CUL4A: variants seen among roughly 807,000 people sequenced by gnomAD.
The protein encoded by CUL4A is cullin 4A.
In CUL4A, 16 loss-of-function variants were observed where a neutral mutation model predicts 95.5. The ratio of observed to expected loss-of-function variants is 0.17; its 90% confidence interval spans 0.11 to 0.25. CUL4A has a LOEUF of 0.25. CUL4A is among the 10% of genes least tolerant of loss of function. The pLI is 1.00. For missense variants in CUL4A, 610 were observed against 937.0 expected (o/e 0.65, Z 4.56); for synonymous variants, 380 against 353.1 (o/e 1.08, Z -0.85).
Position 113,245,220 on chromosome 13 carries a change from A to G in CUL4A, c.1513A>G (p.Met505Val), listed in dbSNP as rs1159137775. ...FKDMELSKDIMVHFKQHMQNQ... is the reference protein window; with the variant it reads ...FKDMELSKDIVVHFKQHMQNQ... ...GGACATGGAGCTTTCGAAGGACATC[A>G]TGGTTCATTTCAAGCAGGTGAGTTG... is the stretch of plus-strand genomic sequence containing the variant. The change falls in exon 14 of 20, where the codon ATG becomes GTG. Residue 505 changes from methionine to valine, a missense_variant. Physicochemically the swap from Met to Val is conservative, Grantham distance 21. Coordinates refer to ENST00000375440, the MANE Select transcript of CUL4A (RefSeq NM_001008895.4). 6.2e-7 allele frequency: 1 copy of G among 1,614,136 alleles called. No individual in the cohort carries two copies. The highest frequency in any genetic ancestry group is 8.5e-7 in the Non-Finnish European group (1 of 1,179,996).
chr13:113,237,317 C>A (rs2041577946), intron 9 of CUL4A, among the ~76,000 whole-genome samples: 1 of 152,226 alleles, frequency 6.6e-6, no homozygotes, highest in South Asian at 2.1e-4. Context: ...CTTCGTGCAT[C>A]TTAGTGTCAG....
intron 4 of CUL4A, 111 bp downstream of exon 4, chr13:113,228,156 G>C: frequency 1.2e-6 from 1 of 841,328 alleles, no homozygotes; most frequent in East Asian, 2.6e-5. Flanking sequence ...TGTGTTCAGT[G>C]CTGTGGTTGA....
In CUL4A at chr13:113,233,203, C is replaced by T. The variant is rs147136485; in HGVS notation, c.539C>T (p.Thr180Ile). 6.9e-5 allele frequency: 112 copies of T among 1,613,990 alleles called. No homozygotes were observed. The African/African-American group carries it at 1.3e-3, about 19-fold the overall frequency. Residue 180 changes from threonine (T) to isoleucine (I), a missense_variant, in exon 6 of 20, where the codon ACC (threonine) becomes ATC (isoleucine). Around this residue, in one of 10 missense-constraint regions of CUL4A, gnomAD observed 97 missense variants for 100.3 expected, o/e 0.97. Transcript: ENST00000375440. ...GATATGGGATTAGAACTGTTTAGAA[C>T]CCATATTATTAGTGATAAAATGGTT... ...IWDMGLELFR[T>I]HIISDKMVQS...
Position 113,229,405 on chromosome 13 carries a change from G to A in CUL4A, c.439-41G>A, listed in dbSNP as rs760987144. 1.6e-5 allele frequency: 25 copies of A among 1,567,390 alleles called. No individual in the cohort carries two copies. The East Asian group carries it at 5.6e-4, about 35-fold the overall frequency. On this transcript the variant is annotated intron_variant, in intron 4 of 19. Transcript: ENST00000375440. ...AGGCCTGATCTTTCATATTTTGCTAGTAGAATTCATAAGTAAATGGTTCTC... is the reference window on the plus strand; with the variant it reads ...AGGCCTGATCTTTCATATTTTGCTAATAGAATTCATAAGTAAATGGTTCTC...
intron 5 of CUL4A, among the ~76,000 whole-genome samples, chr13:113,230,965 A>G (rs942382754): frequency 6.6e-6 from 1 of 151,924 alleles, no homozygotes; most frequent in Non-Finnish European, 1.5e-5. Context: ...TAGTGCCAGG[A>G]TCTTGCTATG....
intron 1 of CUL4A, 23 bp from the exon 2 acceptor site, chr13:113,209,950 C>A: frequency 6.8e-7 from 1 of 1,479,174 alleles, no homozygotes. Context: ...CCCTGAGCCG[C>A]CCGCTCTCCC....
intron 3 of CUL4A, among the ~76,000 whole-genome samples, chr13:113,226,005 G>T (rs191943234): frequency 5.3e-5 from 8 of 152,294 alleles, no homozygotes; most frequent in Non-Finnish European, 1.0e-4. Context: ...CCAGGCCCCT[G>T]TAGCTTTGGT....
chr13:113,250,578 C>T (rs530069983), intron 15 of CUL4A, among the ~76,000 whole-genome samples: 4 of 152,126 alleles, frequency 2.6e-5, no homozygotes, highest in South Asian at 4.1e-4. Flanking sequence ...AGTACCCAAA[C>T]GATAGCATTA....
At position 113,210,001 on chromosome 13, in the gene CUL4A, G is replaced by C. The variant is rs778316097; in HGVS notation, c.177G>C (p.Thr59=). ...GACCTCGGCTGCCCGACAACTACAC[G>C]CAGGACACGTGGCGGAAGCTGCACG... ...RDRPRLPDNY[T]QDTWRKLHEA... Residue 59 remains threonine, a synonymous_variant, in exon 2 of 20, where the codon ACG becomes ACC. Transcript: ENST00000375440. The C allele has an allele frequency of 6.6e-7, 1 of 1,520,986 alleles. No individual in the cohort carries two copies. The highest frequency in any genetic ancestry group is 1.2e-5 in the South Asian group (1 of 81,708). 94.2% of individuals were successfully genotyped at this position (1,520,986 alleles called of 1,614,324 possible).
At chr13:113,217,923 A>C (rs1383334667) in intron 2 of CUL4A, among the ~76,000 whole-genome samples, 1 of 152,220 alleles carries the variant, frequency 6.6e-6, no homozygotes, top group East Asian at 1.9e-4. Context: ...AAATATTGTG[A>C]GAAAAAATTT....
chr13:113,245,314 C>A lies in CUL4A; in HGVS notation c.1530+77C>A, dbSNP rs928795176. The A allele has an allele frequency of 3.8e-6, 5 of 1,299,156 alleles. No individual in the cohort carries two copies. The African/African-American group carries it at 7.3e-5, about 19-fold the overall frequency. 80.5% of individuals were successfully genotyped at this position (1,299,156 alleles called of 1,614,324 possible). On this transcript the variant is annotated intron_variant, in intron 14 of 19. Transcript: ENST00000375440. ...TGGTGGCTCATGCCTGTAATCCCAG[C>A]ACTTTGGGAGGCAGAGGCAAGAGAC...
intron 16 of CUL4A, among the ~76,000 whole-genome samples, chr13:113,253,960 A>G (rs2042058865): frequency 6.6e-6 from 1 of 152,246 alleles, no homozygotes; most frequent in Non-Finnish European, 1.5e-5. Flanking sequence ...GTAGAGAGTC[A>G]TATACATGAA....
intron 10 of CUL4A, among the ~76,000 whole-genome samples, chr13:113,242,630 A>G (rs2041748939): frequency 6.6e-6 from 1 of 152,026 alleles, no homozygotes; most frequent in African/African-American, 2.4e-5. Flanking sequence ...ACAAAACTTT[A>G]AAAAGATGGG....
At chr13:113,237,434 G>A (rs1009015899) in intron 9 of CUL4A, among the ~76,000 whole-genome samples, 2 of 152,232 alleles carry the variant, frequency 1.3e-5, no homozygotes, top group African/African-American at 2.4e-5. Flanking sequence ...CTTCACGTCC[G>A]CTTCTCCCCA....
intron 5 of CUL4A, among the ~76,000 whole-genome samples, chr13:113,232,352 C>T (rs369727686): frequency 1.3e-5 from 2 of 152,242 alleles, no homozygotes; most frequent in East Asian, 1.9e-4. Context: ...CCGCCACCAC[C>T]GCTATTACTA....
At chr13:113,217,107 C>G (rs2040722279) in intron 2 of CUL4A, among the ~76,000 whole-genome samples, 1 of 152,098 alleles carries the variant, frequency 6.6e-6, no homozygotes, top group African/African-American at 2.4e-5. Flanking sequence ...ATTAAAACAT[C>G]CAGAAAATGG....
chr13:113,252,472 C>G (rs997214439), intron 15 of CUL4A, among the ~76,000 whole-genome samples: 7 of 151,012 alleles, frequency 4.6e-5, no homozygotes, highest in African/African-American at 1.7e-4. Context: ...CCTGGGAGAT[C>G]CAGCCTGCAG....
At chr13:113,238,405 C>A (rs2041612381) in intron 9 of CUL4A, among the ~76,000 whole-genome samples, 1 of 151,154 alleles carries the variant, frequency 6.6e-6, no homozygotes, top group Admixed American at 6.6e-5. Flanking sequence ...ACTACAAAAA[C>A]CTGGGTGACA....
intron 2 of CUL4A, among the ~76,000 whole-genome samples, chr13:113,210,574 A>T (rs1323270106): frequency 6.6e-6 from 1 of 152,240 alleles, no homozygotes; most frequent in East Asian, 1.9e-4. Flanking sequence ...GTTGCCTTTA[A>T]GGTATTCAAA....
Sources: allele counts gnomAD v4.1 joint callset (sites outside exome capture counted in the v4.1 genomes callset), GRCh38; gene constraint gnomAD v4.1.1; regional missense constraint gnomAD v4.1.1; transcripts MANE v1.5; gene names NCBI Gene and HGNC (gene_info 2026-07-23, HGNC 2026-07-21).